Variants in SMC5 observed in about 807,000 individuals in gnomAD.
SMC5 encodes the protein structural maintenance of chromosomes 5.
Under a neutral mutation model 148.3 loss-of-function variants are expected in SMC5, and 88 were observed. The ratio of observed to expected loss-of-function variants is 0.59; its 90% CI spans 0.50 to 0.71. The LOEUF is 0.71. Among genes scored for constraint, SMC5 ranks in the 30% least tolerant of loss-of-function variants. The probability of loss-of-function intolerance (pLI) is 0.00; values close to 1 mark genes in which losing one functional copy is unlikely to be tolerated. For synonymous variants in SMC5, 421 were observed against 432.8 expected (o/e 0.97, Z 0.34); for missense variants, 1,142 against 1,298.9 (o/e 0.88, Z 1.86).
At chr9:70,284,458 A>ACAG (rs1450269411) in intron 7 of SMC5, among the ~76,000 whole-genome samples, 2 of 152,160 alleles carry the variant, frequency 1.3e-5, no homozygotes, top group African/African-American at 4.8e-5. Context: ...TATGTTAATG[A>ACAG]TGGTTGGTTA....
At chr9:70,352,142 A>G (rs2036819865) in intron 24 of SMC5, 49 bp from the exon 25 acceptor site, 6 of 1,493,358 alleles carry the variant, frequency 4.0e-6, no homozygotes, top group South Asian at 2.5e-5. Context: ...TTGGAAAACT[A>G]TACTTCTCAG....
intron 17 of SMC5, among the ~76,000 whole-genome samples, chr9:70,342,340 GTAAC>G (rs902503600): frequency 2.0e-4 from 31 of 151,674 alleles, no homozygotes; most frequent in Non-Finnish European, 3.4e-4. Flanking sequence ...GTATACATAT[GTAAC>G]TAACCTGCAC....
At chr9:70,322,858 G>A (rs534348185) in intron 15 of SMC5, among the ~76,000 whole-genome samples, 3 of 152,046 alleles carry the variant, frequency 2.0e-5, no homozygotes, top group Admixed American at 6.6e-5. Context: ...AAAAATTATG[G>A]CTTTCTACAG....
At chr9:70,276,633 T>G (rs2034601061) in intron 3 of SMC5, among the ~76,000 whole-genome samples, 1 of 152,198 alleles carries the variant, frequency 6.6e-6, no homozygotes, top group Non-Finnish European at 1.5e-5. Flanking sequence ...TGGATACCAA[T>G]AATTTATCTT....
At position 70,264,421 on chromosome 9, in the gene SMC5, T is replaced by C; in HGVS notation, c.303T>C (p.Pro101=). Residue 101 remains proline (P), a synonymous_variant, in exon 2 of 25, where the codon CCT becomes CCC. Transcript: ENST00000361138. ...TTTGCCTTGGTTTAGCTGGAAAACC[T>C]GCTTTCATGGGACGAGCAGATAAGG... The part of the protein sequence containing the change: ...CAICLGLAGK[P]AFMGRADKVG... 1 of 1,614,076 alleles carries C rather than the reference T, an allele frequency of 6.2e-7. No individual in the cohort carries two copies. Among genetic ancestry groups the C allele is most frequent in the South Asian group, 1.1e-5 (1 of 91,072 alleles).
intron 8 of SMC5, among the ~76,000 whole-genome samples, chr9:70,287,580 G>A (rs1265415674): frequency 6.6e-6 from 1 of 152,132 alleles, no homozygotes; most frequent in Non-Finnish European, 1.5e-5. Context: ...GATGGTTGAA[G>A]CATGGTGTTA....
At chr9:70,352,121 C>T in intron 24 of SMC5, 70 bp from the exon 25 acceptor site, 4 of 1,321,088 alleles carry the variant, frequency 3.0e-6, no homozygotes, top group Non-Finnish European at 3.1e-6. Context: ...TTTGACTGTA[C>T]ACATGTAAGG....
intron 22 of SMC5, among the ~76,000 whole-genome samples, 176 bp downstream of exon 22, chr9:70,348,214 G>T (rs573321079): frequency 1.9e-4 from 28 of 150,022 alleles, no homozygotes; most frequent in East Asian, 3.9e-4. Flanking sequence ...CACTTTTTTT[G>T]GGGGGGGTTA....
intron 13 of SMC5, 47 bp downstream of exon 13, chr9:70,315,625 GT>G: frequency 7.0e-7 from 1 of 1,422,974 alleles, no homozygotes; most frequent in Non-Finnish European, 9.3e-7. Context: ...CAAAAATGTA[GT>G]TTTGTTAAAA....
In SMC5 at chr9:70,300,068, T is replaced by A. The variant is rs908136088; in HGVS notation, c.1332T>A (p.Arg444=). ...EKKSVDDHIV[R]FDNLMNQKED... is the part of the protein sequence containing the mutation. ...TAGGTGTGGACGATCATATTGTACGTTTTGACAATCTTATGAATCAGAAGG... is the reference window on the plus strand; with the variant it reads ...TAGGTGTGGACGATCATATTGTACGATTTGACAATCTTATGAATCAGAAGG... The change falls in exon 10 of 25, where the codon CGT becomes CGA. Residue 444 remains arginine, a synonymous_variant. Coordinates refer to ENST00000361138, the MANE Select transcript of SMC5 (RefSeq NM_015110.4). The A allele has an allele frequency of 6.3e-7, 1 of 1,587,690 alleles. No homozygotes were observed.
rs2036834881 is a variant in SMC5, at chr9:70,352,861, A to G, written c.*530A>G. On this transcript the variant is annotated 3_prime_UTR_variant, in exon 25 of 25. Coordinates refer to ENST00000361138, the MANE Select transcript of SMC5 (RefSeq NM_015110.4). ...AAGATTACCTTATCTCCAGTAGGAA[A>G]TGGAATTTTATGGGCCTTTAAAAGA... The G allele has an allele frequency of 6.6e-6, 1 of 152,106 alleles. No homozygotes were observed. Among genetic ancestry groups the G allele is most frequent in the Non-Finnish European group, 1.5e-5 (1 of 68,022 alleles). 9.4% of individuals were successfully genotyped at this position (152,106 alleles called of 1,614,324 possible).
chr9:70,344,395 A>G (rs1462868757), intron 18 of SMC5, 126 bp downstream of exon 18: 1 of 439,190 alleles, frequency 2.3e-6, no homozygotes, highest in Non-Finnish European at 3.6e-6. Flanking sequence ...GTTTTTCCAC[A>G]TTTTTAAACT....
At chr9:70,261,476 A>G (rs2034132321) in intron 1 of SMC5, among the ~76,000 whole-genome samples, 1 of 152,232 alleles carries the variant, frequency 6.6e-6, no homozygotes, top group Non-Finnish European at 1.5e-5. Flanking sequence ...GCCTTAGCTA[A>G]TTGATCAGGT....
chr9:70,271,272 A>T (rs985994402), intron 3 of SMC5, among the ~76,000 whole-genome samples: 1 of 152,192 alleles, frequency 6.6e-6, no homozygotes, highest in African/African-American at 2.4e-5. Flanking sequence ...AAAAAAGTTA[A>T]TTTTTTAAAG....
intron 1 of SMC5, among the ~76,000 whole-genome samples, chr9:70,260,877 G>A (rs1260549818): frequency 2.0e-5 from 3 of 152,064 alleles, no homozygotes; most frequent in African/African-American, 7.2e-5. Flanking sequence ...CAAGTAGCTC[G>A]GACTATAGGC....
At chr9:70,300,506 G>A (rs1470991805) in intron 10 of SMC5, among the ~76,000 whole-genome samples, 1 of 152,048 alleles carries the variant, frequency 6.6e-6, no homozygotes, top group Non-Finnish European at 1.5e-5. Context: ...GATTGTAGCA[G>A]GGATTAGATT....
intron 2 of SMC5, among the ~76,000 whole-genome samples, chr9:70,266,728 C>A (rs906534636): frequency 2.0e-5 from 3 of 152,082 alleles, no homozygotes; most frequent in African/African-American, 7.2e-5. Flanking sequence ...TGTTTAAATG[C>A]TAATATAAAA....
chr9:70,333,110 TAAAA>T (rs201176835), intron 17 of SMC5, among the ~76,000 whole-genome samples: 1 of 150,994 alleles, frequency 6.6e-6, no homozygotes, highest in African/African-American at 2.4e-5. Flanking sequence ...GTATTAAATG[TAAAA>T]AAAAACCTCC....
At chr9:70,294,178 G>A (rs911025053) in intron 8 of SMC5, among the ~76,000 whole-genome samples, 3 of 152,110 alleles carry the variant, frequency 2.0e-5, no homozygotes, top group Admixed American at 6.5e-5. Flanking sequence ...ATGAGGCAAG[G>A]TCATTAGCTG....
Sources: allele counts gnomAD v4.1 joint callset (sites outside exome capture counted in the v4.1 genomes callset), GRCh38; gene constraint gnomAD v4.1.1; transcripts MANE v1.5; gene names NCBI Gene and HGNC (gene_info 2026-07-23, HGNC 2026-07-21).